Variants in TMEM229B observed in about 807,000 individuals in gnomAD.
TMEM229B encodes chromosome 14 open reading frame 83.
TMEM229B carries 6 observed loss-of-function variants against 13.7 expected under a neutral mutation model. The observed-to-expected ratio is 0.44, with a 90% CI of 0.24 to 0.86. The LOEUF (loss-of-function observed/expected upper bound fraction) is 0.86. Ranked by LOEUF, TMEM229B falls within the 40% of genes least tolerant of loss-of-function variation. TMEM229B has a pLI of 0.23. For synonymous variants in TMEM229B, 107 were observed against 102.1 expected, an observed-to-expected ratio of 1.05 and a Z score of -0.29; for missense variants, 170 against 236.0, an observed-to-expected ratio of 0.72 and a Z score of 1.83.
At chr14:67,500,700 T>C (rs1401617600) in intron 1 of TMEM229B, among the ~76,000 whole-genome samples, 1 of 150,490 alleles carries the variant, frequency 6.6e-6, no homozygotes, top group Non-Finnish European at 1.5e-5. Context: ...GCTTCCCGAG[T>C]AGCTGAGACT....
chr14:67,482,136 A>G (rs1461915918), intron 2 of TMEM229B, among the ~76,000 whole-genome samples: 1 of 152,174 alleles, frequency 6.6e-6, no homozygotes, highest in East Asian at 1.9e-4. Flanking sequence ...AGGTCTAGGA[A>G]CTACCCCTTC....
chr14:67,486,134 G>A (rs985511479), intron 2 of TMEM229B, among the ~76,000 whole-genome samples: 1 of 152,214 alleles, frequency 6.6e-6, no homozygotes, highest in African/African-American at 2.4e-5. Context: ...GATATGGTTT[G>A]GCTGTGTCCT....
chr14:67,514,761 CT>C (rs572908714), intron 1 of TMEM229B, among the ~76,000 whole-genome samples: 24 of 152,288 alleles, frequency 1.6e-4, no homozygotes, highest in East Asian at 1.6e-3. Context: ...TCGCTTCCCC[CT>C]GACACCCCTT....
At chr14:67,512,086 A>C (rs2033046419) in intron 1 of TMEM229B, among the ~76,000 whole-genome samples, 1 of 152,228 alleles carries the variant, frequency 6.6e-6, no homozygotes, top group South Asian at 2.1e-4. Context: ...ATCTTATAGC[A>C]GAAAAGTATA....
At chr14:67,533,299 C>G (rs2033533029) in intron 1 of TMEM229B, 1 of 151,948 alleles carries the variant, frequency 6.6e-6, no homozygotes, top group Non-Finnish European at 1.5e-5. Flanking sequence ...CGGCGGCAGC[C>G]CGGGACTCCG....
chr14:67,531,744 ATT>A (rs757022456), intron 1 of TMEM229B, among the ~76,000 whole-genome samples: 98 of 131,110 alleles, frequency 7.5e-4, no homozygotes, highest in African/African-American at 2.3e-3. Context: ...AAAAAAAAAA[ATT>A]TTTTTTTTTT....
At chr14:67,520,161 C>A (rs1400577341), upstream of TMEM229B, among the ~76,000 whole-genome samples, 2 of 152,282 alleles carry the variant, frequency 1.3e-5, no homozygotes, top group African/African-American at 2.4e-5. Flanking sequence ...ATATTTGTTA[C>A]AACTGATGAA....
At chr14:67,504,779 G>A (rs1431850182) in intron 1 of TMEM229B, among the ~76,000 whole-genome samples, 1 of 152,074 alleles carries the variant, frequency 6.6e-6, no homozygotes, top group Non-Finnish European at 1.5e-5. Flanking sequence ...CAGCTACTCG[G>A]GAGTCTGAGG....
intron 1 of TMEM229B, among the ~76,000 whole-genome samples, chr14:67,506,976 C>G (rs1419016304): frequency 3.9e-5 from 6 of 151,930 alleles, no homozygotes; most frequent in African/African-American, 1.5e-4. Context: ...GGGCCAGATT[C>G]CATCTAAAAA....
At chr14:67,522,284 C>A (rs2033303839) in intron 1 of TMEM229B, among the ~76,000 whole-genome samples, 2 of 152,234 alleles carry the variant, frequency 1.3e-5, no homozygotes, top group Non-Finnish European at 2.9e-5. Flanking sequence ...GCTCTCATTT[C>A]TGACTCAGCA....
intron 1 of TMEM229B, among the ~76,000 whole-genome samples, chr14:67,523,322 CAAA>C (rs11328089): frequency 1.6e-5 from 2 of 128,776 alleles, no homozygotes; most frequent in African/African-American, 2.9e-5. Flanking sequence ...GACTCCATCT[CAAA>C]AAAAAAAAAA....
At chr14:67,522,705 G>T (rs775828504) in intron 1 of TMEM229B, among the ~76,000 whole-genome samples, 2 of 152,300 alleles carry the variant, frequency 1.3e-5, no homozygotes, top group Non-Finnish European at 2.9e-5. Flanking sequence ...TCTTTTTGTA[G>T]ATCTGAGTCA....
upstream of TMEM229B, among the ~76,000 whole-genome samples, chr14:67,519,655 G>A (rs1327897806): frequency 1.3e-5 from 2 of 151,722 alleles, no homozygotes; most frequent in African/African-American, 4.8e-5. Context: ...GAAAGTCCAG[G>A]ACAAGGGGAA....
At chr14:67,518,249 A>G (rs1225000059), upstream of TMEM229B, among the ~76,000 whole-genome samples, 7 of 152,250 alleles carry the variant, frequency 4.6e-5, no homozygotes, top group Admixed American at 4.6e-4. Flanking sequence ...AGGAACAGAC[A>G]GGCTTTGCTC....
chr14:67,531,036 T>G (rs1451462960), intron 1 of TMEM229B, among the ~76,000 whole-genome samples: 2 of 152,164 alleles, frequency 1.3e-5, no homozygotes, highest in African/African-American at 4.8e-5. Flanking sequence ...ATCCTTCAAC[T>G]CAGGCACATG....
intron 1 of TMEM229B, among the ~76,000 whole-genome samples, chr14:67,523,053 G>A (rs1270265339): frequency 2.0e-5 from 3 of 152,160 alleles, no homozygotes; most frequent in Non-Finnish European, 2.9e-5. Flanking sequence ...GGCTGGGCGC[G>A]GTGGCTCATG....
chr14:67,508,760 A>AAAAAAAAAAAAAAAAAAAAAAAAAAAAC (rs778889276), intron 1 of TMEM229B, among the ~76,000 whole-genome samples: 1 of 149,548 alleles, frequency 6.7e-6, no homozygotes, highest in Non-Finnish European at 1.5e-5. Flanking sequence ...TCTCAAAAAA[A>AAAAAAAAAAAAAAAAAAAAAAAAAAAAC]AAAAAAAAAA....
rs917489564 is a variant in TMEM229B at position 67,471,115 on chromosome 14, C to T, written c.*2305G>A. 4 of 152,300 alleles carry T rather than the reference C, an allele frequency of 2.6e-5. No homozygotes were observed. The highest frequency in any genetic ancestry group is 9.7e-5 in the African/African-American group (4 of 41,408). 9.4% of individuals were successfully genotyped at this position (152,300 alleles called of 1,614,324 possible). On this transcript the variant is annotated 3_prime_UTR_variant, in exon 3 of 3. Transcript: ENST00000554480. ...ATGGGACACCTAGATGGAGCAGAAA[C>T]ACAATGCTGGATGTTGCCAGGCACA...
At chr14:67,505,359 T>C (rs940053689) in intron 1 of TMEM229B, among the ~76,000 whole-genome samples, 1 of 152,182 alleles carries the variant, frequency 6.6e-6, no homozygotes, top group African/African-American at 2.4e-5. Flanking sequence ...AAACTTGATG[T>C]CTGTCCCCTG....
Sources: gnomAD v4.1 joint callset for allele counts (sites outside exome capture counted in the v4.1 genomes callset) on GRCh38, gnomAD v4.1.1 for gene constraint, MANE v1.5 for transcripts, NCBI Gene and HGNC (gene_info 2026-07-23, HGNC 2026-07-21) for gene names.